The following MYO1D variants were observed in gnomAD, a reference collection of about 807,000 sequenced individuals.
MYO1D encodes the protein unconventional myosin-Id.
Under a neutral mutation model 122.0 loss-of-function variants are expected in MYO1D, and 83 were observed. The ratio of observed to expected loss-of-function variants is 0.68; its 90% CI spans 0.57 to 0.82. The LOEUF (loss-of-function observed/expected upper bound fraction) is 0.82, where lower values mean the gene tolerates loss of function less well. MYO1D is among the 40% of genes least tolerant of loss of function. The probability of loss-of-function intolerance (pLI) is 0.00; values close to 1 mark genes in which losing one functional copy is unlikely to be tolerated. For synonymous variants in MYO1D, 464 were observed against 446.9 expected, an observed-to-expected ratio of 1.04 and a Z score of -0.48; for missense variants, 1,157 against 1,269.5, an observed-to-expected ratio of 0.91 and a Z score of 1.35.
intron 15 of MYO1D, among the ~76,000 whole-genome samples, chr17:32,714,488 G>A (rs1458210210): frequency 1.3e-5 from 2 of 152,058 alleles, no homozygotes; most frequent in African/African-American, 2.4e-5. Flanking sequence ...ATGGGCATTT[G>A]GGTTGATTCC....
At chr17:32,822,856 A>C (rs891922123) in intron 1 of MYO1D, among the ~76,000 whole-genome samples, 1 of 151,598 alleles carries the variant, frequency 6.6e-6, no homozygotes, top group Admixed American at 6.6e-5. Flanking sequence ...CGTGAGACTC[A>C]GCCGGCGTCT....
At chr17:32,607,220 T>C (rs2087639839) in intron 20 of MYO1D, among the ~76,000 whole-genome samples, 1 of 151,836 alleles carries the variant, frequency 6.6e-6, no homozygotes, top group Non-Finnish European at 1.5e-5. Flanking sequence ...GTCTCTGTTT[T>C]CAGATTACAT....
intron 19 of MYO1D, among the ~76,000 whole-genome samples, chr17:32,639,632 G>A (rs545009112): frequency 7.9e-5 from 12 of 152,150 alleles, no homozygotes; most frequent in Admixed American, 5.9e-4. Flanking sequence ...AAACTCCTGG[G>A]CTCAAGTGAT....
At chr17:32,614,385 A>G (rs2087745801) in intron 20 of MYO1D, among the ~76,000 whole-genome samples, 1 of 152,090 alleles carries the variant, frequency 6.6e-6, no homozygotes, top group Non-Finnish European at 1.5e-5. Context: ...TGGATGTACT[A>G]TTCAACTTCT....
At chr17:32,739,892 CACAG>C (rs774680980) in intron 13 of MYO1D, among the ~76,000 whole-genome samples, 1 of 152,146 alleles carries the variant, frequency 6.6e-6, no homozygotes, top group East Asian at 1.9e-4. Context: ...GGTCTGTGAA[CACAG>C]ACAGAGCAAC....
intron 16 of MYO1D, among the ~76,000 whole-genome samples, chr17:32,691,481 A>C (rs189658788): frequency 7.4e-4 from 106 of 142,512 alleles, no homozygotes; most frequent in African/African-American, 2.6e-3. Context: ...ATTTCAGCTC[A>C]CTGCAACCTC....
At chr17:32,846,038 T>C (rs796125177) in intron 1 of MYO1D, among the ~76,000 whole-genome samples, 18 of 152,118 alleles carry the variant, frequency 1.2e-4, no homozygotes, top group African/African-American at 2.9e-4. Context: ...TGAAGGGTGA[T>C]AGAGTGAACT....
chr17:32,765,339 TA>T (rs1262434832), intron 7 of MYO1D, among the ~76,000 whole-genome samples: 1 of 152,206 alleles, frequency 6.6e-6, no homozygotes, highest in Non-Finnish European at 1.5e-5. Flanking sequence ...TCTTTTGCCT[TA>T]GGGTCTCTCT....
chr17:32,867,791 T>C (rs1459840627), intron 1 of MYO1D, among the ~76,000 whole-genome samples: 1 of 85,070 alleles, frequency 1.2e-5, no homozygotes, highest in Non-Finnish European at 2.0e-5. Context: ...AGAGCAAGAC[T>C]CCGTCTCAAA....
At chr17:32,501,627 T>C (rs1909321507) in intron 21 of MYO1D, among the ~76,000 whole-genome samples, 1 of 152,162 alleles carries the variant, frequency 6.6e-6, no homozygotes, top group African/African-American at 2.4e-5. Context: ...GCTGGACACA[T>C]GGAGGCTGAC....
chr17:32,764,740 G>C (rs1030898791), intron 8 of MYO1D, 138 bp downstream of exon 8: 1 of 911,666 alleles, frequency 1.1e-6, no homozygotes, highest in East Asian at 2.6e-5. Flanking sequence ...ACCGAGGCTT[G>C]TATGGCCAGA....
intron 21 of MYO1D, among the ~76,000 whole-genome samples, chr17:32,532,250 A>G (rs552051608): frequency 6.6e-5 from 10 of 152,376 alleles, no homozygotes; most frequent in African/African-American, 2.4e-4. Flanking sequence ...CCTTTCAACC[A>G]GAAATGATCT....
intron 19 of MYO1D, among the ~76,000 whole-genome samples, chr17:32,649,941 T>G (rs985406818): frequency 6.6e-6 from 1 of 152,224 alleles, no homozygotes; most frequent in Non-Finnish European, 1.5e-5. Context: ...TTGGTTATTA[T>G]GAATTATGCT....
chr17:32,592,876 C>T (rs2087454117), intron 21 of MYO1D, among the ~76,000 whole-genome samples: 1 of 152,166 alleles, frequency 6.6e-6, no homozygotes, highest in Non-Finnish European at 1.5e-5. Context: ...CAAAACAAAA[C>T]AATGTGAAAC....
At chr17:32,779,623 C>T (rs529184224) in intron 2 of MYO1D, among the ~76,000 whole-genome samples, 7 of 151,988 alleles carry the variant, frequency 4.6e-5, no homozygotes, top group East Asian at 1.9e-4. Context: ...GCACTCAAGG[C>T]GAAGAAACGT....
intron 21 of MYO1D, among the ~76,000 whole-genome samples, chr17:32,586,691 T>C (rs1267012509): frequency 6.6e-6 from 1 of 152,244 alleles, no homozygotes; most frequent in Non-Finnish European, 1.5e-5. Context: ...AGAATTTTGC[T>C]GAAAATTTAT....
At chr17:32,818,320 C>A (rs2090631269) in intron 1 of MYO1D, among the ~76,000 whole-genome samples, 1 of 152,006 alleles carries the variant, frequency 6.6e-6, no homozygotes, top group Non-Finnish European at 1.5e-5. Flanking sequence ...CAGTCTCTGA[C>A]CATTCTTCCC....
rs553963933 is a variant in MYO1D, at chr17:32,591,276, T to C, written c.2864+13811A>G. On this transcript the variant is annotated intron_variant, in intron 21 of 21. Transcript: ENST00000318217. ...CACACTGAAAACCTTTTAAGATTTC[T>C]CTCTGTACTCTTTTGTGTATAGCAG... Among the ~76,000 whole-genome samples, 8 of 152,380 alleles carry C rather than the reference T, an allele frequency of 5.3e-5. No homozygotes were observed. In the South Asian group the frequency reaches 1.2e-3, roughly 24 times the overall value.
chr17:32,524,568 T>TC (rs1355186787), intron 21 of MYO1D, among the ~76,000 whole-genome samples: 1 of 149,136 alleles, frequency 6.7e-6, no homozygotes, highest in Non-Finnish European at 1.5e-5. Flanking sequence ...TTAATTCTTT[T>TC]TTTTTTTTTT....
Sources: gnomAD v4.1 joint callset for allele counts (sites outside exome capture counted in the v4.1 genomes callset) on GRCh38, gnomAD v4.1.1 for gene constraint, MANE v1.5 for transcripts, NCBI Gene and HGNC (gene_info 2026-07-23, HGNC 2026-07-21) for gene names.